CASR: variants seen among roughly 807,000 people sequenced by gnomAD.
CASR encodes the protein extracellular calcium-sensing receptor.
Under a neutral mutation model 69.1 loss-of-function variants are expected in CASR, and 23 were observed. That is an observed-to-expected ratio of 0.33 (90% CI 0.24 to 0.47). CASR has a LOEUF of 0.47. Ranked by LOEUF, CASR falls within the 20% of genes least tolerant of loss-of-function variation. The pLI is 1.00. For missense variants in CASR, 924 were observed against 1,356.1 expected, an observed-to-expected ratio of 0.68 and a Z score of 5.00; for synonymous variants, 541 against 544.7, an observed-to-expected ratio of 0.99 and a Z score of 0.10.
Position 122,284,647 on chromosome 3 carries a change from G to T in CASR, c.2693G>T (p.Arg898Leu), listed in dbSNP as rs121909269. 2.5e-6 allele frequency: 4 copies of T among 1,613,786 alleles called. No individual in the cohort carries two copies. The highest frequency in any genetic ancestry group is 2.7e-5 in the African/African-American group (2 of 74,936). The change falls in exon 7 of 7, where the codon CGG becomes CTG. Residue 898 changes from arginine to leucine, a missense_variant. Transcript: ENST00000639785. ...CGCCGCAGCAACGTCTCCCGCAAGC[G>T]GTCCAGCAGCCTTGGAGGCTCCACG... ...TLRRSNVSRK[R>L]SSSLGGSTGS...
At chr3:122,252,450 A>AAGAAAG (rs1553765694) in intron 1 of CASR, among the ~76,000 whole-genome samples, 2 of 100,534 alleles carry the variant, frequency 2.0e-5, no homozygotes, top group Non-Finnish European at 4.1e-5. Context: ...AGAAAGAAAA[A>AAGAAAG]AAAGAAAAGA....
chr3:122,259,521 C>A (rs1337555800), intron 3 of CASR, among the ~76,000 whole-genome samples: 1 of 152,032 alleles, frequency 6.6e-6, no homozygotes, highest in Non-Finnish European at 1.5e-5. Context: ...TGTCAGAAAA[C>A]AGTCATACTT....
At chr3:122,257,756 A>G (rs1394183754) in intron 3 of CASR, 3 of 178,300 alleles carry the variant, frequency 1.7e-5, no homozygotes, top group African/African-American at 7.1e-5. Context: ...CAAATCCAAA[A>G]TATCTGTCCC....
At chr3:122,231,122 A>C (rs1048694733) in intron 1 of CASR, among the ~76,000 whole-genome samples, 1 of 152,134 alleles carries the variant, frequency 6.6e-6, no homozygotes, top group African/African-American at 2.4e-5. Context: ...CCCCTTGTAG[A>C]AGTGAGAAGT....
intron 2 of CASR, among the ~76,000 whole-genome samples, chr3:122,255,394 T>C (rs2074544373): frequency 6.6e-6 from 1 of 152,264 alleles, no homozygotes; most frequent in Non-Finnish European, 1.5e-5. Flanking sequence ...ACTAGGATTG[T>C]TCCAATAAAA....
chr3:122,260,942 G>A (rs947441202), intron 3 of CASR, among the ~76,000 whole-genome samples: 1 of 152,166 alleles, frequency 6.6e-6, no homozygotes, highest in Admixed American at 6.5e-5. Flanking sequence ...AATAACCAGA[G>A]GAGGGGAAGA....
intron 1 of CASR, among the ~76,000 whole-genome samples, chr3:122,207,858 T>C (rs1387144681): frequency 6.6e-6 from 1 of 152,182 alleles, no homozygotes; most frequent in Non-Finnish European, 1.5e-5. Flanking sequence ...ACTTCCTTCC[T>C]GAAAAGGAAG....
intron 1 of CASR, among the ~76,000 whole-genome samples, chr3:122,252,354 AGAAAGAAAGAAGGAAG>A (rs1356363384): frequency 1.7e-5 from 1 of 59,670 alleles, no homozygotes; most frequent in African/African-American, 7.3e-5. Flanking sequence ...GAAGAAAGAA[AGAAAGAAAGAAGGAAG>A]GAAGGAAGGA....
intron 4 of CASR, among the ~76,000 whole-genome samples, chr3:122,274,738 C>T (rs1002014353): frequency 9.2e-5 from 14 of 152,018 alleles, no homozygotes; most frequent in African/African-American, 3.4e-4. Flanking sequence ...CTTGTCTCTA[C>T]AAAACCAAAA....
intron 1 of CASR, among the ~76,000 whole-genome samples, chr3:122,232,375 G>C (rs553343407): frequency 7.9e-4 from 121 of 152,314 alleles, no homozygotes; most frequent in Non-Finnish European, 1.6e-3. Context: ...GGGCTTCCTT[G>C]AGAAGTGGTG....
chr3:122,186,799 G>T (rs567075360), intron 1 of CASR, among the ~76,000 whole-genome samples: 3 of 152,142 alleles, frequency 2.0e-5, no homozygotes, highest in Non-Finnish European at 4.4e-5. Flanking sequence ...TGTTGTTTAC[G>T]TAGGACCAGA....
At position 122,275,913 on chromosome 3, in the gene CASR, C is replaced by T. The variant is rs201076546; in HGVS notation, c.1479C>T (p.Asn493=). ...TGGTGGGGAACTATTCCATCATCAA[C>T]TGGCACCTCTCCCCAGAGGATGGCT... ...GDLVGNYSII[N]WHLSPEDGSI... is the part of the protein sequence containing the mutation. Residue 493 remains asparagine, a synonymous_variant, in exon 5 of 7, where the codon AAC becomes AAT. Transcript: ENST00000639785. 74 of 1,613,774 alleles carry T rather than the reference C, an allele frequency of 4.6e-5. No individual in the cohort carries two copies. Among genetic ancestry groups the T allele is most frequent in the Non-Finnish European group, 5.7e-5 (67 of 1,179,748 alleles).
chr3:122,215,516 G>C (rs1398061603), intron 1 of CASR, among the ~76,000 whole-genome samples: 5 of 152,154 alleles, frequency 3.3e-5, no homozygotes, highest in Non-Finnish European at 7.4e-5. Flanking sequence ...TTATTACGGA[G>C]ATCTCAAATC....
rs1351594876 is a variant in CASR, at chr3:122,201,069, A to G, written c.-243+17257A>G. 2.2e-5 allele frequency among the ~76,000 whole-genome samples: 3 copies of G among 139,020 alleles called. No individual in the cohort carries two copies. The East Asian group carries it at 6.2e-4, about 29-fold the overall frequency. The allele number at this position is 139,020 out of a possible 152,430, so 91.2% of individuals were successfully genotyped here. ...GCAGAGGGGGATTTGGCAGGGTCAT[A>G]GGACAATAGTGGAGGGAAGGTCAGC... is the stretch of plus-strand genomic sequence containing the variant. On this transcript the variant is annotated intron_variant, in intron 1 of 6. Coordinates refer to ENST00000639785, the MANE Select transcript of CASR (RefSeq NM_000388.4).
Position 122,290,142 on chromosome 3 carries a change from G to A in CASR, c.*4951G>A, listed in dbSNP as rs1175892334. 1 of 151,214 alleles carries A rather than the reference G, an allele frequency of 6.6e-6. No homozygotes were observed. The highest frequency in any genetic ancestry group is 1.5e-5 in the Non-Finnish European group (1 of 67,880). The allele number at this position is 151,214 out of a possible 1,614,324, so 9.4% of individuals were successfully genotyped here. A position where few individuals can be genotyped will look rare whatever the true frequency, so the allele number is the denominator to read the frequency against. The stretch of plus-strand genomic sequence containing the variant: ...TGGTAGAGGCGGGGGGAATAATAGA[G>A]ATACAGCACCAGCTCCCTGCCTCTA... On this transcript the variant is annotated 3_prime_UTR_variant, in exon 7 of 7. Coordinates refer to ENST00000639785, the MANE Select transcript of CASR (RefSeq NM_000388.4).
chr3:122,254,518 C>A (rs1366188463), intron 2 of CASR, 144 bp downstream of exon 2: 4 of 786,806 alleles, frequency 5.1e-6, no homozygotes, highest in Non-Finnish European at 8.3e-6. Context: ...AAGCTTATTG[C>A]CCCCACAACC....
At chr3:122,272,538 C>G (rs1337942510) in intron 4 of CASR, among the ~76,000 whole-genome samples, 2 of 152,182 alleles carry the variant, frequency 1.3e-5, no homozygotes, top group Admixed American at 1.3e-4. Flanking sequence ...TCATTTCAGC[C>G]CTTTTAAATT....
At chr3:122,232,439 A>G (rs2074287384) in intron 1 of CASR, among the ~76,000 whole-genome samples, 1 of 152,122 alleles carries the variant, frequency 6.6e-6, no homozygotes, top group Non-Finnish European at 1.5e-5. Context: ...GGATGAAGAG[A>G]AATGAATTAA....
At chr3:122,238,955 T>TA (rs2074354912) in intron 1 of CASR, among the ~76,000 whole-genome samples, 1 of 152,114 alleles carries the variant, frequency 6.6e-6, no homozygotes, top group Non-Finnish European at 1.5e-5. Flanking sequence ...GGGCTTTGGG[T>TA]GAGACTCAGA....
Sources: gnomAD v4.1 joint callset for allele counts (sites outside exome capture counted in the v4.1 genomes callset) on GRCh38, gnomAD v4.1.1 for gene constraint, MANE v1.5 for transcripts, NCBI Gene and HGNC (gene_info 2026-07-23, HGNC 2026-07-21) for gene names.